The following AGMO variants were observed in gnomAD, a reference collection of about 807,000 sequenced individuals.
The protein encoded by AGMO is alkylglycerol monooxygenase, also known as glyceryl-ether monooxygenase.
A neutral mutation model predicts 60.2 loss-of-function variants in AGMO; 75 were observed. The observed-to-expected ratio is 1.25, with a 90% confidence interval of 1.03 to 1.51. AGMO has a LOEUF of 1.51. AGMO is among the 40% of genes most tolerant of loss of function. The probability of loss-of-function intolerance (pLI) is 0.00; values close to 1 mark genes in which losing one functional copy is unlikely to be tolerated. For missense variants in AGMO, 763 were observed against 525.5 expected, an observed-to-expected ratio of 1.45 and a Z score of -4.42; for synonymous variants, 261 against 177.1, an observed-to-expected ratio of 1.47 and a Z score of -3.76.
the AGMO span, among the ~76,000 whole-genome samples, chr7:15,172,207 G>T: frequency 3.0e-3 from 455 of 152,280 alleles, 3 homozygotes; most frequent in South Asian, 0.017. Flanking sequence ...ATAAGTATTC[G>T]TGGTCACCCT....
At chr7:15,226,974 T>G (rs1439552590) in intron 12 of AGMO, among the ~76,000 whole-genome samples, 1 of 152,112 alleles carries the variant, frequency 6.6e-6, no homozygotes, top group Admixed American at 6.6e-5. Context: ...CTCTTAATTA[T>G]GGTTAGGGAA....
chr7:15,505,507 T>A (rs1410490597), intron 3 of AGMO, among the ~76,000 whole-genome samples: 1 of 152,022 alleles, frequency 6.6e-6, no homozygotes, highest in African/African-American at 2.4e-5. Flanking sequence ...TATATCATTC[T>A]AATGAACACA....
intron 12 of AGMO, among the ~76,000 whole-genome samples, chr7:15,270,837 G>A (rs1475557611): frequency 1.3e-5 from 2 of 151,462 alleles, no homozygotes; most frequent in African/African-American, 4.9e-5. Flanking sequence ...GTTAGTTTTT[G>A]TAAATGGTGA....
At chr7:15,190,129 A>T in the AGMO span, among the ~76,000 whole-genome samples, 3 of 1,472 alleles carry the variant, frequency 2.0e-3, no homozygotes, top group Non-Finnish European at 2.8e-3. Flanking sequence ...ATATATATTT[A>T]TATATATATA....
At position 15,361,546 on chromosome 7, in the gene AGMO, A is replaced by AAAAAAAAAAAG. The variant is rs60239009; in HGVS notation, c.1263+3967_1263+3968insCTTTTTTTTTT. On this transcript the variant is annotated intron_variant, in intron 12 of 12. Transcript: ENST00000342526. The stretch of plus-strand genomic sequence containing the variant: ...CAGAGCGAGACTGTGTCTCAAAAAA[A>AAAAAAAAAAAG]AAAAAAAAGGTTTTGAGATTTAGAT... Among the ~76,000 whole-genome samples, 5 of 91,408 alleles carry AAAAAAAAAAAG rather than the reference A, an allele frequency of 5.5e-5. 1 individual carries two copies. Among genetic ancestry groups the AAAAAAAAAAAG allele is most frequent in the African/African-American group, 8.6e-5 (2 of 23,258 alleles). The allele number at this position is 91,408 out of a possible 152,430, so 60.0% of individuals were successfully genotyped here.
chr7:15,132,950 G>A, the AGMO span, among the ~76,000 whole-genome samples: 1 of 152,052 alleles, frequency 6.6e-6, no homozygotes, highest in Non-Finnish European at 1.5e-5. Context: ...AAGGCAAGAG[G>A]GATGCAAGAG....
At chr7:15,211,243 A>G (rs142514615) in intron 12 of AGMO, among the ~76,000 whole-genome samples, 5,416 of 152,092 alleles carry the variant, frequency 0.036, 238 homozygotes, top group African/African-American at 0.1. Context: ...ATAAAGTATT[A>G]TAAGAATATA....
At chr7:15,261,099 TTATA>T (rs1179377617) in intron 12 of AGMO, among the ~76,000 whole-genome samples, 1 of 151,930 alleles carries the variant, frequency 6.6e-6, no homozygotes, top group Non-Finnish European at 1.5e-5. Context: ...AAGTCACACC[TTATA>T]AAACGGGAGT....
At chr7:15,353,039 G>T (rs879625060) in intron 12 of AGMO, among the ~76,000 whole-genome samples, 1 of 152,068 alleles carries the variant, frequency 6.6e-6, no homozygotes, top group African/African-American at 2.4e-5. Context: ...GAAAGGAGGT[G>T]AAACGCAGGC....
At chr7:15,198,196 CGAGAGAGAGAGAGAGAGAGAGAGAGA>C (rs748392069), downstream of AGMO, among the ~76,000 whole-genome samples, 80 of 77,402 alleles carry the variant, frequency 1.0e-3, 2 homozygotes, top group South Asian at 0.024. Context: ...AGGGCTTTCC[CGAGAGAGAGAGAGAGAGAGAGAGAGA>C]GAGAGAGAGA....
chr7:15,332,761 T>C (rs1446763836), intron 12 of AGMO, among the ~76,000 whole-genome samples: 1 of 152,126 alleles, frequency 6.6e-6, no homozygotes, highest in Non-Finnish European at 1.5e-5. Flanking sequence ...AAATAAAAAT[T>C]ATTTATCAAA....
chr7:15,397,411 G>C (rs1010605112), intron 5 of AGMO, among the ~76,000 whole-genome samples: 2 of 152,052 alleles, frequency 1.3e-5, no homozygotes, highest in Non-Finnish European at 2.9e-5. Context: ...GCAAGCAGAG[G>C]GAGTCGGCTC....
At chr7:15,244,218 T>C (rs1217010466) in intron 12 of AGMO, among the ~76,000 whole-genome samples, 1 of 152,094 alleles carries the variant, frequency 6.6e-6, no homozygotes, top group East Asian at 1.9e-4. Flanking sequence ...TGAGAGAAAA[T>C]AAACATTCTC....
At chr7:15,384,912 C>CA (rs547733961) in intron 10 of AGMO, among the ~76,000 whole-genome samples, 21 of 142,558 alleles carry the variant, frequency 1.5e-4, no homozygotes, top group South Asian at 6.6e-4. Context: ...CTTTTGTGGC[C>CA]AAAAAAAAAT....
At chr7:15,248,824 C>A (rs1290774215) in intron 12 of AGMO, among the ~76,000 whole-genome samples, 1 of 152,184 alleles carries the variant, frequency 6.6e-6, no homozygotes, top group Non-Finnish European at 1.5e-5. Flanking sequence ...CATTAAAGAG[C>A]TTAAAGTGAG....
chr7:15,417,078 G>A (rs139426010), intron 5 of AGMO, among the ~76,000 whole-genome samples: 6 of 152,182 alleles, frequency 3.9e-5, no homozygotes, highest in African/African-American at 9.6e-5. Context: ...ATGTTTTCAC[G>A]GTTAATAATA....
intron 12 of AGMO, among the ~76,000 whole-genome samples, chr7:15,231,726 T>G (rs1400189902): frequency 6.6e-6 from 1 of 152,214 alleles, no homozygotes; most frequent in Non-Finnish European, 1.5e-5. Flanking sequence ...ATAATGTTAC[T>G]TGTCTTGCAG....
At chr7:15,455,184 A>G (rs534203956) in intron 3 of AGMO, among the ~76,000 whole-genome samples, 1 of 152,070 alleles carries the variant, frequency 6.6e-6, no homozygotes, top group South Asian at 2.1e-4. Context: ...TGAAATGTAT[A>G]CATTTTTGTG....
the AGMO span, among the ~76,000 whole-genome samples, chr7:15,131,896 C>T: frequency 1.6e-4 from 24 of 151,984 alleles, no homozygotes; most frequent in Non-Finnish European, 2.8e-4. Context: ...GGAAATGCAA[C>T]CAGCCCAAGG....
Sources: allele counts gnomAD v4.1 joint callset (sites outside exome capture counted in the v4.1 genomes callset), GRCh38; gene constraint gnomAD v4.1.1; transcripts MANE v1.5; gene names NCBI Gene and HGNC (gene_info 2026-07-23, HGNC 2026-07-21).